TRPC5: variants seen among roughly 807,000 people sequenced by gnomAD.
TRPC5 encodes the protein short transient receptor potential channel 5.
Under a neutral mutation model 56.5 loss-of-function variants are expected in TRPC5, and 9 were observed. That is an observed-to-expected ratio of 0.16 (90% CI 0.10 to 0.28). The LOEUF is 0.28. Ranked by LOEUF, TRPC5 falls within the 10% of genes least tolerant of loss-of-function variation. TRPC5 has a pLI of 1.00. For missense variants in TRPC5, 469 were observed against 748.9 expected, an observed-to-expected ratio of 0.63 and a Z score of 4.36; for synonymous variants, 282 against 278.5, an observed-to-expected ratio of 1.01 and a Z score of -0.13.
rs1037699856 is a variant in TRPC5, at chrX:112,075,983, A to C, written c.-22+5896T>G. 1.4e-4 allele frequency among the ~76,000 whole-genome samples: 16 copies of C among 112,098 alleles called. 1 individual carries two copies. On this transcript the variant is annotated intron_variant, in intron 1 of 10. Coordinates refer to ENST00000262839, the MANE Select transcript of TRPC5 (RefSeq NM_012471.3). ...CAGTGATCCCTGTGTCAGACTTCAGAACTACAGAACTATAACGATAATAAA... is the reference window on the plus strand; with the variant it reads ...CAGTGATCCCTGTGTCAGACTTCAGCACTACAGAACTATAACGATAATAAA...
intron 1 of TRPC5, among the ~76,000 whole-genome samples, chrX:112,025,044 T>C (rs1359349712): frequency 8.9e-6 from 1 of 112,351 alleles, no homozygotes; most frequent in Non-Finnish European, 1.9e-5. Context: ...CCTGAAACTA[T>C]TCATACCAAA....
At chrX:111,802,317 T>C (rs971860348) in intron 7 of TRPC5, among the ~76,000 whole-genome samples, 22 of 111,905 alleles carry the variant, frequency 2.0e-4, no homozygotes, top group African/African-American at 6.8e-4. Context: ...TCAAACTTCA[T>C]TGATTTTTCA....
chrX:112,052,223 C>T (rs952568931), intron 1 of TRPC5, among the ~76,000 whole-genome samples: 3 of 111,402 alleles, frequency 2.7e-5, no homozygotes, highest in Non-Finnish European at 5.7e-5. Flanking sequence ...GTGGCTGCAC[C>T]ACTTTACGTT....
At chrX:111,831,881 C>A (rs3027687) in intron 7 of TRPC5, among the ~76,000 whole-genome samples, 31 of 111,155 alleles carry the variant, frequency 2.8e-4, no homozygotes, top group African/African-American at 1.0e-3. Context: ...TTATCTCTTC[C>A]ACCTAATATT....
intron 1 of TRPC5, among the ~76,000 whole-genome samples, chrX:112,033,243 T>C (rs1179881409): frequency 1.1e-5 from 1 of 90,450 alleles, no homozygotes; most frequent in African/African-American, 4.0e-5. Flanking sequence ...GGGGGAGGGA[T>C]AGCATTAGGA....
chrX:112,017,945 G>T (rs1299493068), intron 1 of TRPC5, among the ~76,000 whole-genome samples: 1 of 112,247 alleles, frequency 8.9e-6, no homozygotes, highest in African/African-American at 3.2e-5. Flanking sequence ...ATACAGACCA[G>T]ATTTTGAAGA....
intron 3 of TRPC5, among the ~76,000 whole-genome samples, chrX:111,872,985 G>A (rs1485603255): frequency 8.9e-6 from 1 of 112,215 alleles, no homozygotes; most frequent in East Asian, 2.8e-4. Context: ...GCTACCATTT[G>A]ACCAAGCAAT....
At chrX:112,021,895 A>G (rs1929281431) in intron 1 of TRPC5, among the ~76,000 whole-genome samples, 1 of 112,638 alleles carries the variant, frequency 8.9e-6, no homozygotes, top group Admixed American at 9.4e-5. Context: ...AAGTCATTGC[A>G]CATCTTGCTG....
intron 1 of TRPC5, among the ~76,000 whole-genome samples, chrX:111,979,034 G>C (rs993155056): frequency 9.0e-6 from 1 of 111,134 alleles, no homozygotes; most frequent in Non-Finnish European, 1.9e-5. Flanking sequence ...GTTTTGGCTA[G>C]TGCTAGAAGG....
At chrX:112,023,209 C>T (rs1363428459) in intron 1 of TRPC5, among the ~76,000 whole-genome samples, 1 of 99,386 alleles carries the variant, frequency 1.0e-5, no homozygotes. Context: ...GCTGGGATTA[C>T]AGGCGTGAGC....
rs765751161 is a variant in TRPC5, at chrX:111,967,563, C to T, written c.-21-15122G>A. On this transcript the variant is annotated intron_variant, in intron 1 of 10. Coordinates refer to ENST00000262839, the MANE Select transcript of TRPC5 (RefSeq NM_012471.3). ...AAGAACAAAGCATCACACTTCCTGACTTCAAACTATACTACAAGGCTACAG... is the reference window on the plus strand; with the variant it reads ...AAGAACAAAGCATCACACTTCCTGATTTCAAACTATACTACAAGGCTACAG... Among the ~76,000 whole-genome samples the T allele has an allele frequency of 1.8e-4, 20 of 112,013 alleles. No individual in the cohort carries two copies. In the East Asian group the frequency reaches 3.9e-3, roughly 22 times the overall value.
At chrX:111,899,568 A>G (rs767430799) in intron 3 of TRPC5, among the ~76,000 whole-genome samples, 3 of 111,047 alleles carry the variant, frequency 2.7e-5, no homozygotes, top group South Asian at 3.8e-4. Flanking sequence ...AGAAGCTGAG[A>G]AAAAAAACTG....
At chrX:112,030,477 A>G (rs1322735868) in intron 1 of TRPC5, among the ~76,000 whole-genome samples, 2 of 111,943 alleles carry the variant, frequency 1.8e-5, no homozygotes, top group Non-Finnish European at 3.8e-5. Flanking sequence ...TAAGAAAACC[A>G]TTACTCTTCT....
chrX:111,960,659 A>G (rs1253628239), intron 1 of TRPC5, among the ~76,000 whole-genome samples: 1 of 111,601 alleles, frequency 9.0e-6, no homozygotes, highest in Non-Finnish European at 1.9e-5. Context: ...CCCAGATCCC[A>G]CAGGCCATCA....
intron 1 of TRPC5, among the ~76,000 whole-genome samples, chrX:112,027,074 G>A (rs756011394): frequency 9.0e-6 from 1 of 111,649 alleles, no homozygotes; most frequent in Non-Finnish European, 1.9e-5. Context: ...CCACATTTCT[G>A]CCCTTGATCC....
chrX:111,917,928 A>G (rs1474174258), intron 2 of TRPC5, among the ~76,000 whole-genome samples: 1 of 112,808 alleles, frequency 8.9e-6, no homozygotes, highest in African/African-American at 3.2e-5. Flanking sequence ...CCTAGCTTTT[A>G]AAACAAGGCT....
intron 3 of TRPC5, among the ~76,000 whole-genome samples, chrX:111,882,239 C>G (rs1487246459): frequency 9.1e-6 from 1 of 110,124 alleles, no homozygotes; most frequent in Non-Finnish European, 1.9e-5. Flanking sequence ...AAGAGTATCC[C>G]CCTGGTTTCT....
intron 1 of TRPC5, among the ~76,000 whole-genome samples, chrX:112,077,365 C>T (rs147670545): frequency 3.1e-4 from 35 of 112,448 alleles, no homozygotes; most frequent in South Asian, 7.4e-4. Flanking sequence ...TGATAAGCCA[C>T]ATGAATTGTC....
chrX:111,972,748 A>G (rs1355960403), intron 1 of TRPC5, among the ~76,000 whole-genome samples: 1 of 112,189 alleles, frequency 8.9e-6, no homozygotes, highest in East Asian at 2.8e-4. Flanking sequence ...AATCTTGAGA[A>G]AAAATATTAT....
Sources: gnomAD v4.1 joint callset for allele counts (sites outside exome capture counted in the v4.1 genomes callset) on GRCh38, gnomAD v4.1.1 for gene constraint, MANE v1.5 for transcripts, NCBI Gene and HGNC (gene_info 2026-07-23, HGNC 2026-07-21) for gene names.